Variants in SORCS2 observed in about 807,000 individuals in gnomAD.
SORCS2 encodes the protein VPS10 domain-containing receptor SorCS2.
In SORCS2, 100 loss-of-function variants were observed where a neutral mutation model predicts 141.6. The ratio of observed to expected loss-of-function variants is 0.71; its 90% confidence interval spans 0.60 to 0.83. SORCS2 has a LOEUF of 0.83. SORCS2 is among the 40% of genes least tolerant of loss of function. SORCS2 has a pLI of 0.00. For missense variants in SORCS2, 1,646 were observed against 1,560.2 expected (o/e 1.05, Z -0.93); for synonymous variants, 789 against 676.9 (o/e 1.17, Z -2.57).
chr4:7,564,040 A>C (rs1714783577), intron 3 of SORCS2, among the ~76,000 whole-genome samples: 1 of 152,236 alleles, frequency 6.6e-6, no homozygotes, highest in South Asian at 2.1e-4. Flanking sequence ...CCGCAAAAGA[A>C]GCCTGCCAGG....
intron 2 of SORCS2, among the ~76,000 whole-genome samples, chr4:7,402,516 G>A (rs575328552): frequency 2.6e-5 from 4 of 152,178 alleles, no homozygotes; most frequent in Non-Finnish European, 4.4e-5. Flanking sequence ...CATGTAGCAC[G>A]TGTAATCTAT....
chr4:7,579,283 A>G (rs1016516362), intron 3 of SORCS2, among the ~76,000 whole-genome samples: 2 of 152,096 alleles, frequency 1.3e-5, no homozygotes, highest in Non-Finnish European at 1.5e-5. Flanking sequence ...TTTTAATTCT[A>G]TTTCATAATA....
chr4:7,292,186 A>G (rs1415951020), intron 1 of SORCS2, among the ~76,000 whole-genome samples: 2 of 151,318 alleles, frequency 1.3e-5, no homozygotes, highest in Non-Finnish European at 3.0e-5. Context: ...TCCCCCCACC[A>G]TTGACAGTCT....
chr4:7,706,642 G>T (rs1362247936), intron 14 of SORCS2, among the ~76,000 whole-genome samples: 8 of 148,830 alleles, frequency 5.4e-5, no homozygotes, highest in African/African-American at 2.0e-4. Flanking sequence ...ACAGGGATGA[G>T]GCTGGGCTCT....
At chr4:7,392,863 G>A (rs1446931064) in intron 1 of SORCS2, among the ~76,000 whole-genome samples, 3 of 150,336 alleles carry the variant, frequency 2.0e-5, no homozygotes, top group East Asian at 2.0e-4. Flanking sequence ...TTCCTCAGCC[G>A]TAATGTGAGA....
At chr4:7,292,150 C>A (rs1332710213) in intron 1 of SORCS2, among the ~76,000 whole-genome samples, 1 of 152,216 alleles carries the variant, frequency 6.6e-6, no homozygotes, top group Non-Finnish European at 1.5e-5. Flanking sequence ...TGGGTTGCCG[C>A]TTCACAGTCC....
At chr4:7,564,696 C>A (rs1051813992) in intron 3 of SORCS2, among the ~76,000 whole-genome samples, 1 of 152,216 alleles carries the variant, frequency 6.6e-6, no homozygotes, top group Non-Finnish European at 1.5e-5. Flanking sequence ...CAGCATCCAT[C>A]CCAGTTTTCA....
intron 3 of SORCS2, among the ~76,000 whole-genome samples, chr4:7,580,853 G>T (rs1716096848): frequency 1.3e-5 from 2 of 152,102 alleles, no homozygotes; most frequent in Admixed American, 1.3e-4. Context: ...AAAATCAATG[G>T]AGGAGTAAAA....
At chr4:7,239,080 C>T (rs1712500257) in intron 1 of SORCS2, among the ~76,000 whole-genome samples, 1 of 152,266 alleles carries the variant, frequency 6.6e-6, no homozygotes, top group Non-Finnish European at 1.5e-5. Flanking sequence ...TCCTCTTGGC[C>T]TCTGTGGCTC....
At chr4:7,230,151 C>A (rs1164630146) in intron 1 of SORCS2, among the ~76,000 whole-genome samples, 4 of 137,736 alleles carry the variant, frequency 2.9e-5, no homozygotes, top group Admixed American at 1.5e-4. Flanking sequence ...GTCATGTGCT[C>A]ATGTATGAAG....
Position 7,703,745 on chromosome 4 carries a change from G to A in SORCS2, c.1760+374G>A, listed in dbSNP as rs188273046. On this transcript the variant is annotated intron_variant, in intron 13 of 26. Transcript: ENST00000507866. ...AGAGGGTTGGCAGCTGAAGGCCGTCGTGGGGAAGGGAGGGCAGGCGTGAAC... is the reference window on the plus strand; with the variant it reads ...AGAGGGTTGGCAGCTGAAGGCCGTCATGGGGAAGGGAGGGCAGGCGTGAAC... Among the ~76,000 whole-genome samples, 21 of 152,038 alleles carry A rather than the reference G, an allele frequency of 1.4e-4. No individual in the cohort carries two copies. The East Asian group carries it at 1.8e-3, about 13-fold the overall frequency.
rs753325229 is a variant in SORCS2, at chr4:7,715,259, T to C, written c.2200T>C (p.Leu734=). ...CTCTGCCAACTTCTGGTTTAACCCA[T>C]TGTCCCCGCCTGACGACTGTGCCCT... ...KCSANFWFNP[L]SPPDDCALGQ... The change falls in exon 17 of 27, where the codon TTG becomes CTG. Residue 734 remains leucine, a synonymous_variant. Transcript: ENST00000507866. 13 of 1,613,860 alleles carry C rather than the reference T, an allele frequency of 8.1e-6. No individual in the cohort carries two copies. Among genetic ancestry groups the C allele is most frequent in the Admixed American group, 1.7e-5 (1 of 59,996 alleles).
At chr4:7,432,856 C>CA (rs1228741787) in intron 2 of SORCS2, 1 of 153,728 alleles carries the variant, frequency 6.5e-6, no homozygotes, top group East Asian at 1.9e-4. Context: ...ACTCCCACCC[C>CA]CGGCTGTTGG....
At chr4:7,416,119 G>T (rs1000406283) in intron 2 of SORCS2, among the ~76,000 whole-genome samples, 10 of 152,198 alleles carry the variant, frequency 6.6e-5, no homozygotes, top group African/African-American at 2.4e-4. Flanking sequence ...GGATTAAGGA[G>T]GCCTCATGTG....
chr4:7,638,775 G>A (rs1456619876), intron 4 of SORCS2, among the ~76,000 whole-genome samples: 5 of 152,206 alleles, frequency 3.3e-5, no homozygotes, highest in Non-Finnish European at 5.9e-5. Flanking sequence ...GTGAGTAGCA[G>A]GCGATTAGGA....
intron 1 of SORCS2, among the ~76,000 whole-genome samples, chr4:7,274,696 G>A (rs567270055): frequency 3.3e-5 from 5 of 152,316 alleles, no homozygotes; most frequent in African/African-American, 9.6e-5. Flanking sequence ...ATGAGATTTG[G>A]GTGGGGACAC....
At chr4:7,371,994 G>A (rs990332856) in intron 1 of SORCS2, among the ~76,000 whole-genome samples, 1 of 152,202 alleles carries the variant, frequency 6.6e-6, no homozygotes, top group African/African-American at 2.4e-5. Context: ...TGGCAGCTGG[G>A]CAGAGTGGAG....
chr4:7,507,292 A>G (rs984998542), intron 2 of SORCS2, among the ~76,000 whole-genome samples: 5 of 152,080 alleles, frequency 3.3e-5, no homozygotes, highest in African/African-American at 1.2e-4. Context: ...CCCCTGCCTC[A>G]GCCTCCTGAG....
intron 2 of SORCS2, among the ~76,000 whole-genome samples, chr4:7,489,971 G>A (rs1348694198): frequency 3.3e-5 from 5 of 152,186 alleles, no homozygotes; most frequent in Admixed American, 3.3e-4. Context: ...CCTTCTATAG[G>A]TGGAGGGTTG....
Sources: gnomAD v4.1 joint callset for allele counts (sites outside exome capture counted in the v4.1 genomes callset) on GRCh38, gnomAD v4.1.1 for gene constraint, MANE v1.5 for transcripts, NCBI Gene and HGNC (gene_info 2026-07-23, HGNC 2026-07-21) for gene names.